UMPS: variants seen among roughly 807,000 people sequenced by gnomAD.
UMPS encodes the protein uridine 5'-monophosphate synthase.
UMPS carries 21 observed loss-of-function variants against 38.9 expected under a neutral mutation model. That is an observed-to-expected ratio of 0.54 (90% confidence interval 0.38 to 0.78). The LOEUF (loss-of-function observed/expected upper bound fraction) is 0.78, where lower values mean the gene tolerates loss of function less well. UMPS is among the 30% of genes least tolerant of loss of function. The pLI, the probability that UMPS is intolerant of heterozygous loss-of-function variation, is 0.00. For synonymous variants in UMPS, 208 were observed against 219.3 expected (o/e 0.95, Z 0.45); for missense variants, 533 against 591.6 (o/e 0.90, Z 1.03).
chr3:124,735,485 T>TC (rs2063511422), intron 2 of UMPS, among the ~76,000 whole-genome samples: 2 of 152,218 alleles, frequency 1.3e-5, no homozygotes, highest in South Asian at 4.2e-4. Flanking sequence ...TCTATGAAAC[T>TC]CCAACATTTT....
At chr3:124,738,261 C>T (rs773860305) in intron 3 of UMPS, 22 bp downstream of exon 3, 2 of 1,610,784 alleles carry the variant, frequency 1.2e-6, no homozygotes, top group Admixed American at 3.3e-5. Flanking sequence ...ATTCAGGAAT[C>T]TGCAAGAATC....
chr3:124,746,116 T>C lies in UMPS; in HGVS notation c.*2032T>C, dbSNP rs1349387465. On this transcript the variant is annotated 3_prime_UTR_variant, in exon 6 of 6. Coordinates refer to ENST00000232607, the MANE Select transcript of UMPS (RefSeq NM_000373.4). ...CTTGAGGTCTGCCTCCTGCTAAGAG[T>C]CACATGCTCCTGTCCTTTAGAAATG... 2.2e-6 allele frequency: 1 copy of C among 453,916 alleles called. No individual in the cohort carries two copies. The highest frequency in any genetic ancestry group is 4.4e-6 in the Non-Finnish European group (1 of 226,678). The allele number at this position is 453,916 out of a possible 1,614,324, so 28.1% of individuals were successfully genotyped here.
At position 124,737,893 on chromosome 3, in the gene UMPS, T is replaced by C. The variant is rs781482063; in HGVS notation, c.636T>C (p.Asn212=). ...QENVFVAANH[N]GSPLSIKEAP... is the part of the protein sequence containing the mutation. ...ATGTCTTTGTGGCAGCGAATCATAA[T>C]GGTTCTCCCCTTTCTATAAAGGAAG... is the stretch of plus-strand genomic sequence containing the variant. The change falls in exon 3 of 6, where the codon AAT becomes AAC. Residue 212 remains asparagine, a synonymous_variant. Coordinates refer to ENST00000232607, the MANE Select transcript of UMPS (RefSeq NM_000373.4). 2.5e-6 allele frequency: 4 copies of C among 1,614,256 alleles called. No individual in the cohort carries two copies. In the Admixed American group the frequency reaches 6.7e-5, roughly 27 times the overall value.
Position 124,742,201 on chromosome 3 carries a change from G to A in UMPS, c.1208G>A (p.Gly403Asp). The change falls in exon 5 of 6, where the codon GGC becomes GAC. Residue 403 changes from glycine to aspartate, a missense_variant. Transcript: ENST00000232607. Reference sequence around the variant, plus strand: ...GAATTTGTTGTTGGTTTTATTTCTGGCTCCCGAGTAAGCATGAAACCAGAA... The same window carrying A: ...GAATTTGTTGTTGGTTTTATTTCTGACTCCCGAGTAAGCATGAAACCAGAA... ...HSEFVVGFISGSRVSMKPEFL... is the reference protein window; with the variant it reads ...HSEFVVGFISDSRVSMKPEFL... 6.2e-7 allele frequency: 1 copy of A among 1,613,990 alleles called. No homozygotes were observed. The highest frequency in any genetic ancestry group is 1.7e-5 in the Admixed American group (1 of 59,998).
In UMPS at chr3:124,742,272, T is replaced by C. The variant is rs755684449; in HGVS notation, c.1273+6T>C. The C allele has an allele frequency of 1.9e-6, 3 of 1,606,446 alleles. No individual in the cohort carries two copies. In the South Asian group the frequency reaches 3.3e-5, roughly 18 times the overall value. ...AGTTCAGTTGGAAGCAGGAGGTAAA[T>C]CTGGTCACTGGTCGTGGCTCTTCCA... is the stretch of plus-strand genomic sequence containing the variant. On this transcript the variant is annotated splice_donor_region_variant and intron_variant, in intron 5 of 5. Coordinates refer to ENST00000232607, the MANE Select transcript of UMPS (RefSeq NM_000373.4).
chr3:124,741,879 A>G (rs1013286620), intron 4 of UMPS, among the ~76,000 whole-genome samples: 2 of 152,040 alleles, frequency 1.3e-5, no homozygotes, highest in Non-Finnish European at 2.9e-5. Flanking sequence ...ATATATATGG[A>G]ATGAGAAAAG....
intron 2 of UMPS, among the ~76,000 whole-genome samples, chr3:124,736,296 T>C (rs2063517716): frequency 6.6e-6 from 1 of 152,020 alleles, no homozygotes; most frequent in Non-Finnish European, 1.5e-5. Context: ...GCAATCTTAA[T>C]GATAGTAAGG....
intron 1 of UMPS, among the ~76,000 whole-genome samples, chr3:124,734,634 G>T (rs1462200399): frequency 1.3e-5 from 2 of 150,618 alleles, no homozygotes; most frequent in Non-Finnish European, 3.0e-5. Context: ...AAAGGCATTT[G>T]TTTTTTTTTC....
chr3:124,745,013 C>G lies in UMPS; in HGVS notation c.*929C>G. The G allele has an allele frequency of 2.2e-6, 1 of 454,092 alleles. No individual in the cohort carries two copies. Among genetic ancestry groups the G allele is most frequent in the Middle Eastern group, 6.9e-4 (1 of 1,444 alleles). 28.1% of individuals were successfully genotyped at this position (454,092 alleles called of 1,614,324 possible). ...TTGGGGTTTGGGCTCATTTTTTCCC[C>G]TAGCCAGCAATTATGGACCAGTAGT... On this transcript the variant is annotated 3_prime_UTR_variant, in exon 6 of 6. Transcript: ENST00000232607.
chr3:124,743,587 G>A (rs1475437399), intron 5 of UMPS, among the ~76,000 whole-genome samples: 2 of 151,930 alleles, frequency 1.3e-5, no homozygotes, highest in Non-Finnish European at 2.9e-5. Context: ...GCAGTGAGCC[G>A]AGATAGCACC....
rs750198770 is a variant in UMPS at position 124,745,432 on chromosome 3, C to T, written c.*1348C>T. On this transcript the variant is annotated 3_prime_UTR_variant, in exon 6 of 6. Coordinates refer to ENST00000232607, the MANE Select transcript of UMPS (RefSeq NM_000373.4). ...AGGCTGGAGTTCAGTGGCACGATCT[C>T]GGCTCACTGCAACTTCTGCCTCTCT... 16 of 453,338 alleles carry T rather than the reference C, an allele frequency of 3.5e-5. 1 individual carries two copies. The highest frequency in any genetic ancestry group is 2.0e-4 in the South Asian group (13 of 64,432). The allele number at this position is 453,338 out of a possible 1,614,324, so 28.1% of individuals were successfully genotyped here. A position where few individuals can be genotyped will look rare whatever the true frequency, so the allele number is the denominator to read the frequency against.
Position 124,747,165 on chromosome 3 carries a change from C to A in UMPS, c.*3081C>A. 1 of 453,944 alleles carries A rather than the reference C, an allele frequency of 2.2e-6. No individual in the cohort carries two copies. Among genetic ancestry groups the A allele is most frequent in the South Asian group, 1.6e-5 (1 of 64,456 alleles). The allele number at this position is 453,944 out of a possible 1,614,324, so 28.1% of individuals were successfully genotyped here. On this transcript the variant is annotated 3_prime_UTR_variant, in exon 6 of 6. Transcript: ENST00000232607. ...AGAGCCTCTCGAGTGGCTGGAACTA[C>A]AGGCGTGCACCACCACAGCTGGTTA...
chr3:124,742,204 C>T lies in UMPS; in HGVS notation c.1211C>T (p.Ser404Phe), dbSNP rs547350809. The T allele has an allele frequency of 5.2e-5, 84 of 1,614,056 alleles. No homozygotes were observed. In the South Asian group the frequency reaches 8.3e-4, roughly 16 times the overall value. Residue 404 changes from serine (S) to phenylalanine (F), a missense_variant, in exon 5 of 6, where the codon TCC becomes TTC. Coordinates refer to ENST00000232607, the MANE Select transcript of UMPS (RefSeq NM_000373.4). Reference protein sequence around the residue: ...SEFVVGFISGSRVSMKPEFLH... With the variant: ...SEFVVGFISGFRVSMKPEFLH... ...TTTGTTGTTGGTTTTATTTCTGGCT[C>T]CCGAGTAAGCATGAAACCAGAATTT...
rs1190722515 is a variant in UMPS, at chr3:124,746,977, T to C, written c.*2893T>C. On this transcript the variant is annotated 3_prime_UTR_variant, in exon 6 of 6. Coordinates refer to ENST00000232607, the MANE Select transcript of UMPS (RefSeq NM_000373.4). ...CTACTGAGTCAGCTCTAAGAAAATC[T>C]GCCAAAAGTAGGCCGAGGGCTGGTT... 1 of 454,016 alleles carries C rather than the reference T, an allele frequency of 2.2e-6. No individual in the cohort carries two copies. Among genetic ancestry groups the C allele is most frequent in the Non-Finnish European group, 4.4e-6 (1 of 226,774 alleles). 28.1% of individuals were successfully genotyped at this position (454,016 alleles called of 1,614,324 possible).
At chr3:124,739,156 TAG>T (rs1207309467) in intron 3 of UMPS, among the ~76,000 whole-genome samples, 2 of 152,208 alleles carry the variant, frequency 1.3e-5, no homozygotes, top group African/African-American at 4.8e-5. Flanking sequence ...CAGCTCTGCA[TAG>T]AGTTTTTTCG....
intron 3 of UMPS, among the ~76,000 whole-genome samples, 181 bp from the exon 4 acceptor site, chr3:124,739,843 A>G (rs1325905705): frequency 6.6e-6 from 1 of 152,216 alleles, no homozygotes; most frequent in African/African-American, 2.4e-5. Context: ...TGAATAACAG[A>G]TACAGTTTTC....
At position 124,747,389 on chromosome 3, in the gene UMPS, G is replaced by T. The variant is rs1207290773; in HGVS notation, c.*3305G>T. ...GCTAGCTGCTAATGCTGGCCTGGGT[G>T]CAGTTCTCATCCAAAGTACCCGGTG... On this transcript the variant is annotated 3_prime_UTR_variant, in exon 6 of 6. Transcript: ENST00000232607. 2.2e-6 allele frequency: 1 copy of T among 454,518 alleles called. No individual in the cohort carries two copies. The highest frequency in any genetic ancestry group is 4.4e-6 in the Non-Finnish European group (1 of 226,450). The allele number at this position is 454,518 out of a possible 1,614,324, so 28.2% of individuals were successfully genotyped here.
intron 5 of UMPS, 84 bp downstream of exon 5, chr3:124,742,350 C>A: frequency 1.0e-6 from 1 of 997,706 alleles, no homozygotes; most frequent in Non-Finnish European, 1.6e-6. Context: ...TATTATTATA[C>A]ACTTGCTTAA....
At chr3:124,736,155 T>A (rs1317322320) in intron 2 of UMPS, among the ~76,000 whole-genome samples, 2 of 149,310 alleles carry the variant, frequency 1.3e-5, no homozygotes, top group African/African-American at 2.5e-5. Context: ...CACAGTTACA[T>A]GGGAGGCTGA....
Sources: gnomAD v4.1 joint callset for allele counts (sites outside exome capture counted in the v4.1 genomes callset) on GRCh38, gnomAD v4.1.1 for gene constraint, MANE v1.5 for transcripts, NCBI Gene and HGNC (gene_info 2026-07-23, HGNC 2026-07-21) for gene names.